Variants in SRRM4 observed in about 807,000 individuals in gnomAD.
SRRM4 encodes the protein serine/arginine repetitive matrix protein 4.
Under a neutral mutation model 68.9 loss-of-function variants are expected in SRRM4, and 33 were observed. The observed-to-expected ratio is 0.48, with a 90% confidence interval of 0.36 to 0.64. The LOEUF (loss-of-function observed/expected upper bound fraction) is 0.64. Ranked by LOEUF, SRRM4 falls within the 30% of genes least tolerant of loss-of-function variation. The probability of loss-of-function intolerance (pLI) is 0.00; values close to 1 mark genes in which losing one functional copy is unlikely to be tolerated. For missense variants in SRRM4, 817 were observed against 827.1 expected (o/e 0.99, Z 0.15); for synonymous variants, 318 against 318.8 (o/e 1.00, Z 0.03).
At chr12:118,982,038 G>A (rs1953250970) in intron 1 of SRRM4, 25 bp downstream of exon 1, 4 of 1,594,882 alleles carry the variant, frequency 2.5e-6, no homozygotes, top group Admixed American at 3.5e-5. Context: ...CTTAGAAGGG[G>A]GGATCCTGAA....
At chr12:119,109,716 C>T (rs921852541) in intron 2 of SRRM4, among the ~76,000 whole-genome samples, 6 of 149,900 alleles carry the variant, frequency 4.0e-5, no homozygotes, top group African/African-American at 9.9e-5. Flanking sequence ...GTTAGCCATT[C>T]GTCTAATCTT....
rs1954460210 is a variant in SRRM4 at position 119,154,448 on chromosome 12, G to C, written c.1532+65G>C. On this transcript the variant is annotated intron_variant, in intron 12 of 12. Coordinates refer to ENST00000267260, the MANE Select transcript of SRRM4 (RefSeq NM_194286.4). The surrounding 1 kb of genome is among the most constrained non-coding windows in gnomAD (Gnocchi z 4.7). Reference sequence around the variant, plus strand: ...TTCCCACTCCCATTCTTACTCATTCGAGCCTCAGGCTCTCCCTAGGCCTCC... The same window carrying C: ...TTCCCACTCCCATTCTTACTCATTCCAGCCTCAGGCTCTCCCTAGGCCTCC... 6.3e-7 allele frequency: 1 copy of C among 1,575,356 alleles called. No individual in the cohort carries two copies. Among genetic ancestry groups the C allele is most frequent in the Non-Finnish European group, 8.7e-7 (1 of 1,155,646 alleles).
intron 1 of SRRM4, among the ~76,000 whole-genome samples, chr12:118,982,666 T>TTTG (rs1953255382): frequency 1.2e-5 from 1 of 83,296 alleles, no homozygotes; most frequent in Non-Finnish European, 2.8e-5. Context: ...AGAGTTTTAT[T>TTTG]TTGTTTTTTT....
chr12:119,073,927 C>T (rs1445011645), intron 1 of SRRM4, among the ~76,000 whole-genome samples: 1 of 152,180 alleles, frequency 6.6e-6, no homozygotes, highest in East Asian at 1.9e-4. Flanking sequence ...TCACTGCACC[C>T]AGCCAGAGCC....
chr12:119,087,738 T>C (rs531456753), intron 1 of SRRM4, among the ~76,000 whole-genome samples: 1 of 152,198 alleles, frequency 6.6e-6, no homozygotes, highest in South Asian at 2.1e-4. Context: ...TGATCCGCAG[T>C]GGAAAGAGAC....
intron 8 of SRRM4, among the ~76,000 whole-genome samples, chr12:119,136,857 C>A (rs12229183): frequency 0.26 from 39,485 of 151,826 alleles, 5,727 homozygotes; most frequent in East Asian, 0.61. Flanking sequence ...GGAGGCCAGA[C>A]CACCTCTGCC....
chr12:119,138,538 C>T (rs944413795), intron 8 of SRRM4, among the ~76,000 whole-genome samples: 1 of 152,164 alleles, frequency 6.6e-6, no homozygotes, highest in Non-Finnish European at 1.5e-5. Context: ...GTATAAATAT[C>T]CCAGCTCCCT....
chr12:119,031,021 T>TA (rs1254214824), intron 1 of SRRM4: 1 of 152,214 alleles, frequency 6.6e-6, no homozygotes, highest in Non-Finnish European at 1.5e-5. Context: ...TACTGCTGGG[T>TA]AATAAGTTTC....
At chr12:119,017,434 C>T (rs531525586) in intron 1 of SRRM4, among the ~76,000 whole-genome samples, 2 of 150,508 alleles carry the variant, frequency 1.3e-5, no homozygotes, top group South Asian at 2.1e-4. Flanking sequence ...TAAGCCCCCT[C>T]AAGACTGTGG....
At chr12:119,058,883 CA>C (rs1171887244) in intron 1 of SRRM4, among the ~76,000 whole-genome samples, 1 of 152,194 alleles carries the variant, frequency 6.6e-6, no homozygotes, top group Non-Finnish European at 1.5e-5. Flanking sequence ...TGGTGTCTTC[CA>C]CCCCATCTTG....
intron 1 of SRRM4, among the ~76,000 whole-genome samples, chr12:119,045,843 G>T (rs1470945125): frequency 1.3e-5 from 2 of 152,000 alleles, no homozygotes; most frequent in Non-Finnish European, 2.9e-5. Flanking sequence ...TTCAAGACCA[G>T]CCTGGCCAAT....
At position 119,116,930 on chromosome 12, in the gene SRRM4, C is replaced by G; in HGVS notation, c.366-7C>G. On this transcript the variant is annotated splice_region_variant and splice_polypyrimidine_tract_variant and intron_variant, in intron 3 of 12. Coordinates refer to ENST00000267260, the MANE Select transcript of SRRM4 (RefSeq NM_194286.4). ...CCTTCTGAAATGTGTCTTCTTGGCC[C>G]TGGCAGGTCCTCATCCTATAGCCCA... 2 of 1,613,360 alleles carry G rather than the reference C, an allele frequency of 1.2e-6. No homozygotes were observed. Among genetic ancestry groups the G allele is most frequent in the Non-Finnish European group, 1.7e-6 (2 of 1,179,638 alleles).
chr12:119,074,541 A>T (rs918077649), intron 1 of SRRM4, among the ~76,000 whole-genome samples: 3 of 152,202 alleles, frequency 2.0e-5, no homozygotes, highest in African/African-American at 4.8e-5. Context: ...TGGGCTTGAA[A>T]ATCACATATA....
intron 1 of SRRM4, among the ~76,000 whole-genome samples, chr12:119,009,775 A>C (rs564912759): frequency 4.2e-4 from 64 of 152,312 alleles, no homozygotes; most frequent in Non-Finnish European, 7.6e-4. Flanking sequence ...AAGAGAATGC[A>C]TGATGTGGGG....
At chr12:119,107,695 T>C (rs954240971) in intron 2 of SRRM4, among the ~76,000 whole-genome samples, 2 of 152,224 alleles carry the variant, frequency 1.3e-5, no homozygotes, top group Non-Finnish European at 2.9e-5. Context: ...TGTGTGTATT[T>C]GATTCTTCTC....
At chr12:119,044,681 T>C (rs866950979) in intron 1 of SRRM4, among the ~76,000 whole-genome samples, 3 of 152,066 alleles carry the variant, frequency 2.0e-5, no homozygotes, top group Non-Finnish European at 4.4e-5. Flanking sequence ...TCCTAGGTCA[T>C]AGGGCTGCTG....
chr12:119,087,460 C>T (rs191772694), intron 1 of SRRM4, among the ~76,000 whole-genome samples: 259 of 152,320 alleles, frequency 1.7e-3, no homozygotes, highest in Middle Eastern at 6.8e-3. Context: ...AATGACATTT[C>T]ATTCGGACTT....
At chr12:119,143,776 T>C (rs1049591044) in intron 8 of SRRM4, among the ~76,000 whole-genome samples, 6 of 152,140 alleles carry the variant, frequency 3.9e-5, no homozygotes, top group Admixed American at 3.9e-4. Context: ...GAAAGTGGCA[T>C]AGGAGTCATT....
intron 1 of SRRM4, among the ~76,000 whole-genome samples, chr12:119,005,850 T>A (rs141059211): frequency 6.6e-6 from 1 of 152,332 alleles, no homozygotes; most frequent in East Asian, 1.9e-4. Context: ...CCATTGATGG[T>A]TGAATTAGGA....
Sources: allele counts gnomAD v4.1 joint callset (sites outside exome capture counted in the v4.1 genomes callset), GRCh38; gene constraint gnomAD v4.1.1; non-coding constraint Gnocchi (gnomAD v3.1); transcripts MANE v1.5; gene names NCBI Gene and HGNC (gene_info 2026-07-23, HGNC 2026-07-21).